Variants in CTNNA2 observed in about 807,000 individuals in gnomAD.
CTNNA2 encodes catenin alpha 2.
Under a neutral mutation model 101.0 loss-of-function variants are expected in CTNNA2, and 42 were observed. That is an observed-to-expected ratio of 0.42 (90% confidence interval 0.32 to 0.54). The LOEUF is 0.54. Ranked by LOEUF, CTNNA2 falls within the 20% of genes least tolerant of loss-of-function variation. The pLI, the probability that CTNNA2 is intolerant of heterozygous loss-of-function variation, is 0.14. For missense variants in CTNNA2, 871 were observed against 1,223.1 expected (o/e 0.71, Z 4.29); for synonymous variants, 450 against 456.4 (o/e 0.99, Z 0.18).
At chr2:79,378,575 C>T (rs1039850683) in intron 4 of CTNNA2, among the ~76,000 whole-genome samples, 2 of 152,000 alleles carry the variant, frequency 1.3e-5, no homozygotes, top group Non-Finnish European at 2.9e-5. Context: ...TGTCATTTGT[C>T]GAGGAGATGT....
chr2:79,964,330 A>G (rs1426165092), intron 7 of CTNNA2, among the ~76,000 whole-genome samples: 4 of 152,120 alleles, frequency 2.6e-5, no homozygotes, highest in African/African-American at 9.7e-5. Context: ...AGGCTAATAG[A>G]GTTTAAGGCA....
chr2:80,095,208 C>T (rs141084738), intron 7 of CTNNA2, among the ~76,000 whole-genome samples: 1,599 of 152,126 alleles, frequency 0.011, 32 homozygotes, highest in African/African-American at 0.037. Context: ...GAGTTTTTGG[C>T]GTGAAGGTTG....
At chr2:79,566,329 C>G (rs1390360523) in intron 1 of CTNNA2, among the ~76,000 whole-genome samples, 1 of 152,086 alleles carries the variant, frequency 6.6e-6, no homozygotes, top group Non-Finnish European at 1.5e-5. Flanking sequence ...AGACCTTTCC[C>G]ATGTTGCAGG....
At chr2:79,411,017 G>A (rs1267300996) in intron 4 of CTNNA2, among the ~76,000 whole-genome samples, 1 of 152,058 alleles carries the variant, frequency 6.6e-6, no homozygotes, top group Non-Finnish European at 1.5e-5. Context: ...CTTCTTCCTG[G>A]TTTTGTCTTG....
chr2:79,998,271 A>G (rs1200607383), intron 7 of CTNNA2, among the ~76,000 whole-genome samples: 1 of 152,228 alleles, frequency 6.6e-6, no homozygotes, highest in Non-Finnish European at 1.5e-5. Flanking sequence ...TGTTCTATTC[A>G]GAAGCATGGA....
At chr2:80,592,344 C>T (rs976919303) in intron 15 of CTNNA2, among the ~76,000 whole-genome samples, 1 of 152,180 alleles carries the variant, frequency 6.6e-6, no homozygotes, top group Non-Finnish European at 1.5e-5. Flanking sequence ...TGAAGGGCAA[C>T]CATCCAGCTT....
chr2:80,578,515 T>C (rs1214427229), intron 13 of CTNNA2, among the ~76,000 whole-genome samples: 1 of 152,100 alleles, frequency 6.6e-6, no homozygotes, highest in African/African-American at 2.4e-5. Flanking sequence ...TAAAAATGTG[T>C]AATTCAAAAA....
intron 4 of CTNNA2, among the ~76,000 whole-genome samples, chr2:79,428,727 A>C (rs1261558513): frequency 2.6e-5 from 4 of 152,148 alleles, no homozygotes; most frequent in Admixed American, 1.3e-4. Flanking sequence ...GTTGAAAAAA[A>C]ACATATCCAA....
At chr2:79,339,195 A>G (rs951610935) in intron 3 of CTNNA2, among the ~76,000 whole-genome samples, 1 of 152,198 alleles carries the variant, frequency 6.6e-6, no homozygotes, top group Non-Finnish European at 1.5e-5. Context: ...GGATACAAAA[A>G]GTTGGCTAAG....
intron 2 of CTNNA2, among the ~76,000 whole-genome samples, chr2:79,275,666 T>G (rs150859596): frequency 2.6e-5 from 4 of 152,222 alleles, no homozygotes; most frequent in African/African-American, 9.6e-5. Flanking sequence ...GCATAATATT[T>G]GAATTATATC....
At chr2:80,568,631 A>G (rs1438898964) in intron 12 of CTNNA2, among the ~76,000 whole-genome samples, 2 of 152,096 alleles carry the variant, frequency 1.3e-5, no homozygotes, top group Non-Finnish European at 2.9e-5. Flanking sequence ...AGAGAATTGT[A>G]GAGAACTGTC....
intron 7 of CTNNA2, among the ~76,000 whole-genome samples, chr2:79,953,239 C>A (rs1057004860): frequency 6.6e-6 from 1 of 152,142 alleles, no homozygotes; most frequent in Non-Finnish European, 1.5e-5. Flanking sequence ...ACCCTTCTTA[C>A]GTTTGGCACC....
chr2:80,526,922 C>A (rs549202270), intron 9 of CTNNA2, among the ~76,000 whole-genome samples: 2 of 152,198 alleles, frequency 1.3e-5, no homozygotes, highest in African/African-American at 4.8e-5. Context: ...AAAAAAAATC[C>A]TTTTGTCACC....
intron 4 of CTNNA2, among the ~76,000 whole-genome samples, chr2:79,423,134 C>T (rs1678555825): frequency 6.6e-6 from 1 of 152,106 alleles, no homozygotes; most frequent in South Asian, 2.1e-4. Flanking sequence ...CTTTCACTTG[C>T]TATCTTTTGG....
chr2:79,676,016 C>T (rs901703895), intron 2 of CTNNA2, among the ~76,000 whole-genome samples: 1 of 152,020 alleles, frequency 6.6e-6, no homozygotes, highest in Non-Finnish European at 1.5e-5. Flanking sequence ...CAGGGTCATC[C>T]GTAGGTGAGG....
chr2:79,479,094 T>G (rs1034631638), intron 4 of CTNNA2, among the ~76,000 whole-genome samples: 1 of 152,242 alleles, frequency 6.6e-6, no homozygotes, highest in Non-Finnish European at 1.5e-5. Flanking sequence ...TTTTCCTTTT[T>G]TACATGGTCT....
chr2:80,075,783 ATATT>A (rs1380267091), intron 7 of CTNNA2, among the ~76,000 whole-genome samples: 1 of 141,932 alleles, frequency 7.0e-6, no homozygotes, highest in East Asian at 2.0e-4. Flanking sequence ...TTATAAAATA[ATATT>A]TATACATGTA....
At chr2:80,418,006 A>T (rs1680188214) in intron 8 of CTNNA2, among the ~76,000 whole-genome samples, 1 of 151,964 alleles carries the variant, frequency 6.6e-6, no homozygotes, top group Non-Finnish European at 1.5e-5. Context: ...GAATCTTCTT[A>T]TCTCCCCTAC....
At chr2:79,686,802 C>A (rs547458734) in intron 2 of CTNNA2, among the ~76,000 whole-genome samples, 1 of 151,932 alleles carries the variant, frequency 6.6e-6, no homozygotes, top group South Asian at 2.1e-4. Context: ...ATGTGGGTGT[C>A]CCAATTTGAA....
Sources: gnomAD v4.1 joint callset for allele counts (sites outside exome capture counted in the v4.1 genomes callset) on GRCh38, gnomAD v4.1.1 for gene constraint, MANE v1.5 for transcripts, NCBI Gene and HGNC (gene_info 2026-07-23, HGNC 2026-07-21) for gene names.